The following CUX1 variants were observed in gnomAD, a reference collection of about 807,000 sequenced individuals.
The protein encoded by CUX1 is cut like homeobox 1, also known as protein CASP.
In CUX1, 31 loss-of-function variants were observed where a neutral mutation model predicts 158.8. The ratio of observed to expected loss-of-function variants is 0.20; its 90% CI spans 0.15 to 0.26. The LOEUF (loss-of-function observed/expected upper bound fraction) is 0.26, where lower values mean the gene tolerates loss of function less well. Among genes scored for constraint, CUX1 ranks in the 10% least tolerant of loss-of-function variants. CUX1 has a pLI of 1.00. For synonymous variants in CUX1, 879 were observed against 862.1 expected, an observed-to-expected ratio of 1.02 and a Z score of -0.34; for missense variants, 1,589 against 2,014.6, an observed-to-expected ratio of 0.79 and a Z score of 4.04.
intron 22 of CUX1, chr7:102,282,951 A>C (rs1792216393): frequency 6.9e-5 from 40 of 581,908 alleles, no homozygotes; most frequent in African/African-American, 1.0e-4. Flanking sequence ...GCCCCACCCC[A>C]TCACATGGTA....
intron 4 of CUX1, among the ~76,000 whole-genome samples, chr7:102,076,826 G>A (rs1195671811): frequency 2.0e-5 from 3 of 151,944 alleles, no homozygotes; most frequent in Admixed American, 6.6e-5. Context: ...TTGAGCCCAG[G>A]GGTTGAAGAC....
intron 21 of CUX1, among the ~76,000 whole-genome samples, chr7:102,229,003 T>G (rs1798655933): frequency 6.6e-6 from 1 of 152,202 alleles, no homozygotes; most frequent in South Asian, 2.1e-4. Flanking sequence ...CACGCCTGCC[T>G]GGGAGCAGTG....
At chr7:102,219,378 C>T (rs1211673728) in intron 20 of CUX1, among the ~76,000 whole-genome samples, 1 of 152,206 alleles carries the variant, frequency 6.6e-6, no homozygotes, top group Non-Finnish European at 1.5e-5. Flanking sequence ...CCTTCTCCAC[C>T]TCCTCCCCCA....
rs186206704 is a variant in CUX1 at position 102,023,239 on chromosome 7, C to T, written c.142-4859C>T. Reference sequence around the variant, plus strand: ...CCCTCCCCGCAAAAAAGTTTTTAAACGTGTTCACTGCCTCCTTATCATTTG... The same window carrying T: ...CCCTCCCCGCAAAAAAGTTTTTAAATGTGTTCACTGCCTCCTTATCATTTG... On this transcript the variant is annotated intron_variant, in intron 2 of 23. Transcript: ENST00000292535. Among the ~76,000 whole-genome samples, 8 of 152,174 alleles carry T rather than the reference C, an allele frequency of 5.3e-5. No homozygotes were observed. The East Asian group carries it at 1.5e-3, about 29-fold the overall frequency.
rs569530373 is a variant in CUX1, at chr7:102,239,224, G to A, written c.3623-96G>A. On this transcript the variant is annotated intron_variant, in intron 22 of 23. Transcript: ENST00000292535. ...TTTGAGATGCTCTATGCAAAGTCCT[G>A]CAAGCCGGCACTGTGCCGTCCCGCT... is the stretch of plus-strand genomic sequence containing the variant. The A allele has an allele frequency of 9.2e-6, 13 of 1,407,668 alleles. No homozygotes were observed. The African/African-American group carries it at 1.7e-4, about 19-fold the overall frequency. The allele number at this position is 1,407,668 out of a possible 1,614,324, so 87.2% of individuals were successfully genotyped here. A position where few individuals can be genotyped will look rare whatever the true frequency, so the allele number is the denominator to read the frequency against.
At chr7:101,983,821 C>T (rs1813808113) in intron 2 of CUX1, among the ~76,000 whole-genome samples, 2 of 152,162 alleles carry the variant, frequency 1.3e-5, no homozygotes, top group African/African-American at 4.8e-5. Context: ...GGCCCAAACA[C>T]CTCCCACCAG....
chr7:101,844,620 C>T (rs545018131), intron 1 of CUX1, among the ~76,000 whole-genome samples: 4 of 151,812 alleles, frequency 2.6e-5, no homozygotes, highest in African/African-American at 9.7e-5. Flanking sequence ...CTTCTTTTTT[C>T]TTTTTGTTTT....
At chr7:102,214,546 G>A (rs551334943) in intron 20 of CUX1, among the ~76,000 whole-genome samples, 2 of 152,372 alleles carry the variant, frequency 1.3e-5, no homozygotes, top group East Asian at 1.9e-4. Flanking sequence ...GCTGCATGGA[G>A]TGTCCATGCT....
rs140503888 is a variant in CUX1, at chr7:102,064,639, C to A, written c.190-5700C>A. ...ACACTGTCCCTTCCTCCCTCCCTCC[C>A]ACGGATGCTCTTCCTGGCTGGTAGC... is the stretch of plus-strand genomic sequence containing the variant. On this transcript the variant is annotated intron_variant, in intron 3 of 23. Coordinates refer to ENST00000292535, the MANE Select transcript of CUX1 (RefSeq NM_181552.4). 1.7e-3 allele frequency among the ~76,000 whole-genome samples: 261 copies of A among 152,232 alleles called. 1 individual carries two copies. Among genetic ancestry groups the A allele is most frequent in the Non-Finnish European group, 3.0e-3 (203 of 68,002 alleles).
At chr7:102,199,874 A>G (rs1205033102) in intron 16 of CUX1, among the ~76,000 whole-genome samples, 197 bp from the exon 17 acceptor site, 2 of 152,248 alleles carry the variant, frequency 1.3e-5, no homozygotes, top group Admixed American at 1.3e-4. Flanking sequence ...GTAAGGTCAA[A>G]TGAGCAGGAA....
At chr7:102,016,185 C>T (rs1211511974) in intron 2 of CUX1, among the ~76,000 whole-genome samples, 1 of 152,000 alleles carries the variant, frequency 6.6e-6, no homozygotes, top group Non-Finnish European at 1.5e-5. Context: ...AGAGCTAAAG[C>T]AGTCCTCTCG....
chr7:101,894,408 G>A (rs1031107878), intron 1 of CUX1, among the ~76,000 whole-genome samples: 1 of 152,192 alleles, frequency 6.6e-6, no homozygotes, highest in Non-Finnish European at 1.5e-5. Flanking sequence ...CCGCCTCCTG[G>A]GTTCACGCTA....
chr7:102,250,277 C>T lies in CUX1; in HGVS notation c.*1235C>T, dbSNP rs1168307143. The T allele has an allele frequency of 3.0e-6, 3 of 985,342 alleles. No individual in the cohort carries two copies. The highest frequency in any genetic ancestry group is 1.7e-5 in the African/African-American group (1 of 57,300). 61.0% of individuals were successfully genotyped at this position (985,342 alleles called of 1,614,324 possible). ...CATTGAAAGAAAGGAGAGAGTAGTC[C>T]GGGCGAGCACAGCAGGCAGTTCCAG... On this transcript the variant is annotated 3_prime_UTR_variant, in exon 24 of 24. Transcript: ENST00000292535.
chr7:102,108,756 G>A (rs1327849917), intron 6 of CUX1, among the ~76,000 whole-genome samples: 3 of 151,856 alleles, frequency 2.0e-5, no homozygotes, highest in African/African-American at 7.3e-5. Context: ...GTGTGTGTGT[G>A]TGTGTGTGTG....
intron 4 of CUX1, among the ~76,000 whole-genome samples, chr7:102,093,343 G>T (rs532554006): frequency 1.3e-5 from 2 of 151,812 alleles, no homozygotes; most frequent in Non-Finnish European, 2.9e-5. Context: ...GCACCACCAT[G>T]CCCGGCTAAT....
intron 3 of CUX1, 130 bp downstream of exon 3, chr7:102,028,275 G>T: frequency 2.3e-6 from 2 of 878,036 alleles, no homozygotes; most frequent in Non-Finnish European, 3.5e-6. Flanking sequence ...CTCCGACCCA[G>T]CGTCATGCAG....
At position 101,916,249 on chromosome 7, in the gene CUX1, C is replaced by G. The variant is rs778253540; in HGVS notation, c.141+24C>G. The G allele has an allele frequency of 1.4e-6, 2 of 1,432,184 alleles. No homozygotes were observed. Among genetic ancestry groups the G allele is most frequent in the Non-Finnish European group, 2.0e-6 (2 of 1,014,708 alleles). The allele number at this position is 1,432,184 out of a possible 1,614,324, so 88.7% of individuals were successfully genotyped here. On this transcript the variant is annotated intron_variant, in intron 2 of 23. Coordinates refer to ENST00000292535, the MANE Select transcript of CUX1 (RefSeq NM_181552.4). The surrounding 1 kb of genome is among the most constrained non-coding windows in gnomAD (Gnocchi z 4.4). Reference sequence around the variant, plus strand: ...AGGTGAGGCGCGTGACCATCGTGTTCGCTTTGAAGGGATCTTAGAATGCTG... The same window carrying G: ...AGGTGAGGCGCGTGACCATCGTGTTGGCTTTGAAGGGATCTTAGAATGCTG...
At chr7:102,267,847 C>T (rs142095381) in intron 14 of CUX1, among the ~76,000 whole-genome samples, 89 of 152,212 alleles carry the variant, frequency 5.8e-4, no homozygotes, top group South Asian at 2.7e-3. Flanking sequence ...TTGTATTTTT[C>T]TGTAGAGATG....
At chr7:102,018,902 C>T (rs1305488487) in intron 2 of CUX1, among the ~76,000 whole-genome samples, 1 of 152,036 alleles carries the variant, frequency 6.6e-6, no homozygotes, top group Non-Finnish European at 1.5e-5. Context: ...TGTACACTTG[C>T]GGGAGAAGGC....
Sources: allele counts gnomAD v4.1 joint callset (sites outside exome capture counted in the v4.1 genomes callset), GRCh38; gene constraint gnomAD v4.1.1; non-coding constraint Gnocchi (gnomAD v3.1); transcripts MANE v1.5; gene names NCBI Gene and HGNC (gene_info 2026-07-23, HGNC 2026-07-21).